The following ZNF560 variants were observed in gnomAD, a reference collection of about 807,000 sequenced individuals.
ZNF560 encodes the protein zinc finger protein 560.
In ZNF560, 54 loss-of-function variants were observed where a neutral mutation model predicts 81.8. The ratio of observed to expected loss-of-function variants is 0.66; its 90% CI spans 0.53 to 0.83. The LOEUF (loss-of-function observed/expected upper bound fraction) is 0.83, where lower values mean the gene tolerates loss of function less well. Ranked by LOEUF, ZNF560 falls within the 40% of genes least tolerant of loss-of-function variation. The pLI is 0.00. For missense variants in ZNF560, 940 were observed against 932.4 expected, an observed-to-expected ratio of 1.01 and a Z score of -0.11; for synonymous variants, 321 against 317.9, an observed-to-expected ratio of 1.01 and a Z score of -0.10.
chr19:9,460,142 T>C, the ZNF560 span, among the ~76,000 whole-genome samples: 1 of 152,118 alleles, frequency 6.6e-6, no homozygotes, highest in Admixed American at 6.5e-5. Context: ...AGCCCTACTA[T>C]GAGCCAGATA....
the ZNF560 span, among the ~76,000 whole-genome samples, chr19:9,446,062 A>G: frequency 4.6e-5 from 7 of 152,046 alleles, no homozygotes; most frequent in East Asian, 9.7e-4. Flanking sequence ...CCCCTTGTTG[A>G]TATTACCAGA....
At chr19:9,446,566 C>T in the ZNF560 span, among the ~76,000 whole-genome samples, 315 of 152,204 alleles carry the variant, frequency 2.1e-3, no homozygotes, top group African/African-American at 7.3e-3. Flanking sequence ...ATAATCCCCT[C>T]CTGTTGAGTG....
the ZNF560 span, among the ~76,000 whole-genome samples, chr19:9,504,246 C>T: frequency 6.6e-6 from 1 of 152,012 alleles, no homozygotes; most frequent in African/African-American, 2.4e-5. Flanking sequence ...ACCAGCCTTG[C>T]CAACATGGTG....
chr19:9,475,992 T>C (rs1429239468), intron 2 of ZNF560, among the ~76,000 whole-genome samples: 1 of 152,196 alleles, frequency 6.6e-6, no homozygotes, highest in Non-Finnish European at 1.5e-5. Context: ...CAGCACCTCT[T>C]CTCAAAGAAC....
chr19:9,480,644 A>G (rs1470515416), intron 2 of ZNF560, among the ~76,000 whole-genome samples: 1 of 152,070 alleles, frequency 6.6e-6, no homozygotes, highest in Admixed American at 6.6e-5. Flanking sequence ...CAAGGGGTGA[A>G]GAGAAAAAAA....
upstream of ZNF560, chr19:9,498,826 C>T (rs1486067834): frequency 6.6e-6 from 1 of 152,302 alleles, no homozygotes; most frequent in Non-Finnish European, 1.5e-5. Context: ...GGGCGGGGCC[C>T]ATGCCCGGGG....
chr19:9,468,123 C>T lies in ZNF560; in HGVS notation c.824G>A (p.Arg275His), dbSNP rs149789578. ...CTGGACCTGAACATTTAAAATCAGG[C>T]GGAAAGATTTTCCATGCTTACTGAA... ...SVFSKHGKSF[R>H]LILNVQVQRK... Residue 275 changes from arginine (R) to histidine (H), a missense_variant, in exon 10 of 10, where the codon CGC becomes CAC. Coordinates refer to ENST00000301480, the MANE Select transcript of ZNF560 (RefSeq NM_152476.3). 445 of 1,613,836 alleles carry T rather than the reference C, an allele frequency of 2.8e-4. No individual in the cohort carries two copies. Among genetic ancestry groups the T allele is most frequent in the African/African-American group, 4.0e-4 (30 of 74,906 alleles).
upstream of ZNF560, among the ~76,000 whole-genome samples, chr19:9,500,829 C>T (rs1306435460): frequency 2.0e-5 from 3 of 152,076 alleles, no homozygotes; most frequent in Non-Finnish European, 4.4e-5. Flanking sequence ...CCTGCCTTGG[C>T]CACCCAAAGT....
intron 6 of ZNF560, 80 bp downstream of exon 6, chr19:9,471,216 C>T: frequency 9.3e-7 from 1 of 1,073,496 alleles, no homozygotes; most frequent in Non-Finnish European, 1.3e-6. Context: ...TCTCAATTAT[C>T]TTTTGTGCTT....
upstream of ZNF560, chr19:9,498,908 G>A (rs1445087299): frequency 6.6e-6 from 1 of 152,240 alleles, no homozygotes; most frequent in South Asian, 2.1e-4. Flanking sequence ...GCGAAACGTC[G>A]GGCGATGGAC....
rs1489142050 is a variant in ZNF560, at chr19:9,480,888, C to T, written c.-56-5519G>A. Among the ~76,000 whole-genome samples, 8 of 151,964 alleles carry T rather than the reference C, an allele frequency of 5.3e-5. No homozygotes were observed. In the South Asian group the frequency reaches 1.5e-3, roughly 28 times the overall value. On this transcript the variant is annotated intron_variant, in intron 2 of 9. Coordinates refer to ENST00000301480, the MANE Select transcript of ZNF560 (RefSeq NM_152476.3). ...ATTGCTTGAGCTCAGGAATTCGAGA[C>T]CAGCCTAGGCAACACAGTAAAACCC...
intron 9 of ZNF560, 80 bp downstream of exon 9, chr19:9,469,025 G>C: frequency 8.7e-7 from 1 of 1,155,182 alleles, no homozygotes; most frequent in Non-Finnish European, 1.2e-6. Context: ...ACCGTGCCTG[G>C]CCATTTCTGC....
At chr19:9,460,890 G>A in the ZNF560 span, among the ~76,000 whole-genome samples, 10 of 152,282 alleles carry the variant, frequency 6.6e-5, no homozygotes, top group East Asian at 9.6e-4. Flanking sequence ...GTCCCCTAAG[G>A]GGATGTTTAG....
chr19:9,481,254 C>T (rs1319667622), intron 2 of ZNF560, among the ~76,000 whole-genome samples: 2 of 152,094 alleles, frequency 1.3e-5, no homozygotes, highest in African/African-American at 4.8e-5. Context: ...TTCCCTATAC[C>T]TTATACAAAA....
the ZNF560 span, among the ~76,000 whole-genome samples, chr19:9,450,773 G>A: frequency 6.6e-6 from 1 of 151,986 alleles, no homozygotes; most frequent in Admixed American, 6.6e-5. Flanking sequence ...CAAGTGACCA[G>A]TCTGCCTCAG....
intron 7 of ZNF560, 131 bp downstream of exon 7, chr19:9,470,260 TA>T (rs201026789): frequency 4.9e-5 from 57 of 1,155,338 alleles, no homozygotes; most frequent in Non-Finnish European, 6.2e-5. Flanking sequence ...TTTTACTCAT[TA>T]AAAAAAATTT....
At position 9,473,165 on chromosome 19, in the gene ZNF560, TCA is replaced by T. The variant is rs1245811953; in HGVS notation, c.238+12_238+13del. 1 of 1,611,642 alleles carries T rather than the reference TCA, an allele frequency of 6.2e-7. No individual in the cohort carries two copies. Among genetic ancestry groups the T allele is most frequent in the African/African-American group, 1.3e-5 (1 of 75,026 alleles). ...ACTTCTCACTGACCAAGGTTGTTCT[TCA>T]CAAATACTCACCTTGGAGAACTCCT... On this transcript the variant is annotated intron_variant, in intron 5 of 9. Coordinates refer to ENST00000301480, the MANE Select transcript of ZNF560 (RefSeq NM_152476.3).
intron 2 of ZNF560, among the ~76,000 whole-genome samples, chr19:9,495,076 G>C (rs1293748551): frequency 6.6e-6 from 1 of 152,110 alleles, no homozygotes; most frequent in Non-Finnish European, 1.5e-5. Context: ...ATAGGCAGAG[G>C]TTGGAGCAAG....
chr19:9,481,603 A>T (rs560993824), intron 2 of ZNF560, among the ~76,000 whole-genome samples: 9 of 152,378 alleles, frequency 5.9e-5, no homozygotes, highest in Admixed American at 2.0e-4. Flanking sequence ...CCCATAAAAA[A>T]GTGGGCAAAG....
Sources: allele counts gnomAD v4.1 joint callset (sites outside exome capture counted in the v4.1 genomes callset), GRCh38; gene constraint gnomAD v4.1.1; transcripts MANE v1.5; gene names NCBI Gene and HGNC (gene_info 2026-07-23, HGNC 2026-07-21).